Variants in BCAS3 observed in about 807,000 individuals in gnomAD.
BCAS3 encodes the protein BCAS3 microtubule associated cell migration factor.
In BCAS3, 53 loss-of-function variants were observed where a neutral mutation model predicts 116.1. That is an observed-to-expected ratio of 0.46 (90% CI 0.37 to 0.57). The LOEUF (loss-of-function observed/expected upper bound fraction) is 0.57, where lower values mean the gene tolerates loss of function less well. BCAS3 is among the 20% of genes least tolerant of loss of function. The pLI is 0.00. For synonymous variants in BCAS3, 391 were observed against 408.2 expected (o/e 0.96, Z 0.51); for missense variants, 917 against 1,165.4 (o/e 0.79, Z 3.10).
At chr17:60,736,434 C>T (rs1250803619) in intron 5 of BCAS3, among the ~76,000 whole-genome samples, 4 of 151,974 alleles carry the variant, frequency 2.6e-5, no homozygotes, top group Non-Finnish European at 5.9e-5. Flanking sequence ...GATCCACCCA[C>T]GTCAGCCTCC....
chr17:61,107,802 G>T (rs1293539613), intron 22 of BCAS3, among the ~76,000 whole-genome samples: 1 of 152,112 alleles, frequency 6.6e-6, no homozygotes, highest in Non-Finnish European at 1.5e-5. Context: ...GCTATTTCAA[G>T]TAAAACTGCC....
At chr17:61,336,983 C>T (rs923530308) in intron 22 of BCAS3, among the ~76,000 whole-genome samples, 4 of 151,952 alleles carry the variant, frequency 2.6e-5, no homozygotes, top group Non-Finnish European at 5.9e-5. Context: ...CTTGGTGGCA[C>T]GTGCCTGTAA....
At position 61,278,248 on chromosome 17, in the gene BCAS3, G is replaced by T. The variant is rs2082518506; in HGVS notation, c.2426-90079G>T. Among the ~76,000 whole-genome samples, 1 of 152,138 alleles carries T rather than the reference G, an allele frequency of 6.6e-6. No individual in the cohort carries two copies. The highest frequency in any genetic ancestry group is 2.4e-5 in the African/African-American group (1 of 41,440). On this transcript the variant is annotated intron_variant, in intron 22 of 23. Coordinates refer to ENST00000407086, the MANE Select transcript of BCAS3 (RefSeq NM_017679.5). This position sits in a 1 kb window ranked among gnomAD's most constrained non-coding sequence, Gnocchi z 5.8. ...AGTAGAGACGGGGTTTCACCATGTT[G>T]GCCAGGCTGGTCTTGAACTCCTGAC...
chr17:60,732,461 T>G (rs2040552806), intron 5 of BCAS3, among the ~76,000 whole-genome samples: 1 of 152,180 alleles, frequency 6.6e-6, no homozygotes, highest in African/African-American at 2.4e-5. Context: ...TGATAAAACC[T>G]GCTACATAGA....
intron 6 of BCAS3, among the ~76,000 whole-genome samples, chr17:60,785,228 G>A (rs56833723): frequency 6.6e-6 from 1 of 151,994 alleles, no homozygotes; most frequent in Admixed American, 6.6e-5. Flanking sequence ...GTGCGATCTC[G>A]GCTCACTGAA....
chr17:61,340,721 G>A (rs1448880575), intron 22 of BCAS3, among the ~76,000 whole-genome samples: 1 of 152,164 alleles, frequency 6.6e-6, no homozygotes, highest in African/African-American at 2.4e-5. Flanking sequence ...AGCTGAGAGT[G>A]TGTGCAAGGG....
rs2050663151 is a variant in BCAS3, at chr17:60,828,848, G to A, written c.476+20772G>A. ...CCAGGACATCGTTTCTTAACTGAGG[G>A]AAAAAAGGTAGAGATGATTTTGATC... On this transcript the variant is annotated intron_variant, in intron 7 of 23. Coordinates refer to ENST00000407086, the MANE Select transcript of BCAS3 (RefSeq NM_017679.5). 2.6e-5 allele frequency among the ~76,000 whole-genome samples: 4 copies of A among 152,198 alleles called. No homozygotes were observed. The South Asian group carries it at 8.3e-4, about 32-fold the overall frequency.
In BCAS3 at chr17:61,012,538, A is replaced by G. The variant is rs112220570; in HGVS notation, c.1487-3213A>G. 2.9e-3 allele frequency among the ~76,000 whole-genome samples: 435 copies of G among 152,072 alleles called. 1 individual carries two copies. Among genetic ancestry groups the G allele is most frequent in the African/African-American group, 9.9e-3 (411 of 41,530 alleles). On this transcript the variant is annotated intron_variant, in intron 15 of 23. Coordinates refer to ENST00000407086, the MANE Select transcript of BCAS3 (RefSeq NM_017679.5). This position sits in a 1 kb window ranked among gnomAD's most constrained non-coding sequence, Gnocchi z 4.5. ...TATTGAGCATTTTATTAATATACTC[A>G]TTGTTTCATTAAAACTGTGTTTATA...
chr17:60,708,516 G>A (rs1435310490), intron 4 of BCAS3, among the ~76,000 whole-genome samples: 2 of 151,906 alleles, frequency 1.3e-5, no homozygotes, highest in African/African-American at 4.8e-5. Context: ...GTGCCACCAA[G>A]CCCAGCTAAT....
At chr17:60,727,080 T>C (rs1490851678) in intron 5 of BCAS3, 1 of 329,172 alleles carries the variant, frequency 3.0e-6, no homozygotes, top group Non-Finnish European at 5.6e-6. Flanking sequence ...TTTTTAAACA[T>C]ATCACTGTAT....
intron 10 of BCAS3, among the ~76,000 whole-genome samples, chr17:60,890,191 C>T (rs1304025167): frequency 2.0e-5 from 3 of 152,180 alleles, no homozygotes; most frequent in Admixed American, 1.3e-4. Flanking sequence ...TGATGGCTCA[C>T]GCCTGTAATC....
At chr17:61,321,230 A>G (rs1330805931) in intron 22 of BCAS3, among the ~76,000 whole-genome samples, 1 of 152,134 alleles carries the variant, frequency 6.6e-6, no homozygotes, top group East Asian at 1.9e-4. Context: ...GTAACATCCC[A>G]TCCTCTGAAT....
At chr17:60,817,220 G>C (rs971929175) in intron 7 of BCAS3, among the ~76,000 whole-genome samples, 1 of 152,142 alleles carries the variant, frequency 6.6e-6, no homozygotes, top group African/African-American at 2.4e-5. Context: ...AATAATTCCA[G>C]ATAAGTCATT....
At chr17:61,257,067 T>C (rs960199538) in intron 22 of BCAS3, among the ~76,000 whole-genome samples, 1 of 152,154 alleles carries the variant, frequency 6.6e-6, no homozygotes, top group African/African-American at 2.4e-5. Context: ...CGATCGGTGT[T>C]GTCATGTCCA....
At position 61,352,928 on chromosome 17, in the gene BCAS3, T is replaced by C. The variant is rs1019407164; in HGVS notation, c.2426-15399T>C. Among the ~76,000 whole-genome samples, 2 of 151,982 alleles carry C rather than the reference T, an allele frequency of 1.3e-5. No homozygotes were observed. Among genetic ancestry groups the C allele is most frequent in the African/African-American group, 4.8e-5 (2 of 41,368 alleles). On this transcript the variant is annotated intron_variant, in intron 22 of 23. Coordinates refer to ENST00000407086, the MANE Select transcript of BCAS3 (RefSeq NM_017679.5). The surrounding 1 kb of genome is among the most constrained non-coding windows in gnomAD (Gnocchi z 4.7). ...ATTTCTCTTGTTTGCTTTAATGGAGTGTTAACCCCCGTCGCTGGAACTCAT... is the reference window on the plus strand; with the variant it reads ...ATTTCTCTTGTTTGCTTTAATGGAGCGTTAACCCCCGTCGCTGGAACTCAT...
At chr17:61,240,370 G>T (rs2047404530) in intron 22 of BCAS3, among the ~76,000 whole-genome samples, 1 of 152,196 alleles carries the variant, frequency 6.6e-6, no homozygotes, top group Non-Finnish European at 1.5e-5. Flanking sequence ...AACAAGTGGG[G>T]CCAAGCACAG....
At position 60,874,030 on chromosome 17, in the gene BCAS3, T is replaced by G. The variant is rs113425015; in HGVS notation, c.585-632T>G. 7.4e-3 allele frequency among the ~76,000 whole-genome samples: 1,131 copies of G among 151,934 alleles called. 13 individuals are homozygous for G. Among genetic ancestry groups the G allele is most frequent in the Non-Finnish European group, 9.2e-3 (626 of 67,986 alleles). On this transcript the variant is annotated intron_variant, in intron 8 of 23. Coordinates refer to ENST00000407086, the MANE Select transcript of BCAS3 (RefSeq NM_017679.5). The stretch of plus-strand genomic sequence containing the variant: ...GATCTTATCCATCTTTACTGTAGAC[T>G]TATTCGATTCAAAAATAAATGAAAA...
At position 61,314,893 on chromosome 17, in the gene BCAS3, A is replaced by C. The variant is rs568543558; in HGVS notation, c.2426-53434A>C. ...ACAGGGAGTGGATAATGCTCTTTAC[A>C]GATCGGACTTGTCCAGGTTTCCTTT... On this transcript the variant is annotated intron_variant, in intron 22 of 23. Coordinates refer to ENST00000407086, the MANE Select transcript of BCAS3 (RefSeq NM_017679.5). Among the ~76,000 whole-genome samples, 8 of 152,308 alleles carry C rather than the reference A, an allele frequency of 5.3e-5. No homozygotes were observed. In the South Asian group the frequency reaches 1.7e-3, roughly 32 times the overall value.
chr17:61,275,142 C>T (rs972677744), intron 22 of BCAS3, among the ~76,000 whole-genome samples: 3 of 152,138 alleles, frequency 2.0e-5, no homozygotes, highest in Non-Finnish European at 4.4e-5. Context: ...TTAGCCACTG[C>T]ACCCAACCCT....
Sources: allele counts gnomAD v4.1 joint callset (sites outside exome capture counted in the v4.1 genomes callset), GRCh38; gene constraint gnomAD v4.1.1; non-coding constraint Gnocchi (gnomAD v3.1); transcripts MANE v1.5; gene names NCBI Gene and HGNC (gene_info 2026-07-23, HGNC 2026-07-21).